Variants in MAP3K19 observed in about 807,000 individuals in gnomAD.
The protein encoded by MAP3K19 is SPS1/STE20-related protein kinase YSK4.
In MAP3K19, 91 loss-of-function variants were observed where a neutral mutation model predicts 114.4. The ratio of observed to expected loss-of-function variants is 0.80; its 90% CI spans 0.67 to 0.95. The LOEUF (loss-of-function observed/expected upper bound fraction) is 0.95. Ranked by LOEUF, MAP3K19 falls within the 40% of genes least tolerant of loss-of-function variation. MAP3K19 has a pLI of 0.00. For missense variants in MAP3K19, 1,471 were observed against 1,573.2 expected (o/e 0.94, Z 1.10); for synonymous variants, 518 against 530.5 (o/e 0.98, Z 0.32).
At chr2:135,026,791 G>A (rs1688267328) in intron 3 of MAP3K19, among the ~76,000 whole-genome samples, 1 of 152,178 alleles carries the variant, frequency 6.6e-6, no homozygotes, top group South Asian at 2.1e-4. Context: ...CTTGGGGGTA[G>A]AGAGCTGGAT....
intron 5 of MAP3K19, among the ~76,000 whole-genome samples, chr2:135,015,808 C>A (rs934541443): frequency 2.6e-5 from 4 of 151,754 alleles, no homozygotes; most frequent in Non-Finnish European, 4.4e-5. Flanking sequence ...CAGGAGAATC[C>A]CTTGAACCAG....
intron 1 of MAP3K19, among the ~76,000 whole-genome samples, chr2:135,044,026 T>A (rs905026095): frequency 1.3e-5 from 2 of 152,244 alleles, no homozygotes; most frequent in Non-Finnish European, 2.9e-5. Flanking sequence ...AGTGAATGAA[T>A]TCCTCAAGTC....
At chr2:134,971,542 C>G (rs1056431176) in intron 12 of MAP3K19, among the ~76,000 whole-genome samples, 5 of 152,156 alleles carry the variant, frequency 3.3e-5, no homozygotes, top group African/African-American at 1.2e-4. Flanking sequence ...GGCAGTGAAG[C>G]CATCCAGTCC....
chr2:135,017,927 A>C (rs1266006791), intron 5 of MAP3K19, among the ~76,000 whole-genome samples: 1 of 152,206 alleles, frequency 6.6e-6, no homozygotes, highest in South Asian at 2.1e-4. Context: ...AAACGGTACC[A>C]ATTTGACAGT....
At chr2:135,012,309 C>A (rs932123921) in intron 5 of MAP3K19, among the ~76,000 whole-genome samples, 2 of 151,990 alleles carry the variant, frequency 1.3e-5, no homozygotes, top group South Asian at 2.1e-4. Context: ...TCAAATGACC[C>A]CCTAGGGTGG....
At chr2:135,039,955 A>C (rs1428653788) in intron 2 of MAP3K19, among the ~76,000 whole-genome samples, 2 of 152,104 alleles carry the variant, frequency 1.3e-5, no homozygotes, top group African/African-American at 4.8e-5. Context: ...CTGCCCTTTT[A>C]AGCCTTATTA....
intron 12 of MAP3K19, among the ~76,000 whole-genome samples, chr2:134,971,676 C>T (rs1027935032): frequency 1.3e-5 from 2 of 152,012 alleles, no homozygotes; most frequent in African/African-American, 2.4e-5. Flanking sequence ...TTATCCATTT[C>T]CTCTAGGTTT....
At chr2:135,034,442 G>A (rs1277748558) in intron 2 of MAP3K19, among the ~76,000 whole-genome samples, 1 of 126,526 alleles carries the variant, frequency 7.9e-6, no homozygotes, top group African/African-American at 3.7e-5. Context: ...GGCACTTTGG[G>A]AGGCCAAGGC....
rs761627568 is a variant in MAP3K19, at chr2:135,005,446, G to C, written c.224C>G (p.Pro75Arg). Residue 75 changes from proline (P) to arginine (R), a missense_variant, in exon 6 of 13, where the codon CCC becomes CGC. Transcript: ENST00000392915. ...DPSGGRQDWQ[P>R]RTEGVEITVT... ...GTAAAGCCCAGTACCTTCTGTCCTG[G>C]GTTGCCAGTCCTGTCTACCACCACT... The C allele has an allele frequency of 6.2e-7, 1 of 1,612,504 alleles. No homozygotes were observed. The highest frequency in any genetic ancestry group is 8.5e-7 in the Non-Finnish European group (1 of 1,178,642).
chr2:134,964,582 G>T lies in MAP3K19; in HGVS notation c.*268C>A. 3.8e-6 allele frequency: 1 copy of T among 263,438 alleles called. No individual in the cohort carries two copies. 16.3% of individuals were successfully genotyped at this position (263,438 alleles called of 1,614,324 possible). A position where few individuals can be genotyped will look rare whatever the true frequency, so the allele number is the denominator to read the frequency against. Reference sequence around the variant, plus strand: ...AATGTCATATAAAACAATAGAGAATGTAGTTCCTGGACAATCAAAACTGTA... The same window carrying T: ...AATGTCATATAAAACAATAGAGAATTTAGTTCCTGGACAATCAAAACTGTA... On this transcript the variant is annotated 3_prime_UTR_variant, in exon 13 of 13. Coordinates refer to ENST00000392915, the MANE Select transcript of MAP3K19 (RefSeq NM_025052.5).
intron 2 of MAP3K19, among the ~76,000 whole-genome samples, chr2:135,032,095 A>G (rs1188544988): frequency 6.6e-6 from 1 of 152,118 alleles, no homozygotes; most frequent in Non-Finnish European, 1.5e-5. Context: ...TGGTGCATCC[A>G]CTTTGAAAAA....
At chr2:134,982,113 CTTTTTTT>C (rs35219224) in intron 11 of MAP3K19, among the ~76,000 whole-genome samples, 2 of 76,352 alleles carry the variant, frequency 2.6e-5, no homozygotes, top group Non-Finnish European at 5.0e-5. Context: ...CTTTTTCTTT[CTTTTTTT>C]TTTTTTTTTT....
intron 11 of MAP3K19, among the ~76,000 whole-genome samples, chr2:134,981,812 A>G (rs2105200284): frequency 6.6e-6 from 1 of 151,906 alleles, no homozygotes; most frequent in Non-Finnish European, 1.5e-5. Context: ...TAAATGTGTA[A>G]TCTTTTGACT....
intron 6 of MAP3K19, among the ~76,000 whole-genome samples, chr2:135,000,276 T>C (rs188774702): frequency 1.3e-5 from 2 of 152,212 alleles, no homozygotes; most frequent in Non-Finnish European, 2.9e-5. Context: ...AACTATGTTG[T>C]CCTCAGGATG....
At chr2:134,978,755 C>T (rs190807320) in intron 12 of MAP3K19, among the ~76,000 whole-genome samples, 3 of 152,190 alleles carry the variant, frequency 2.0e-5, no homozygotes, top group Admixed American at 6.5e-5. Context: ...CTTCTACCAC[C>T]ATCAGCATCC....
intron 3 of MAP3K19, among the ~76,000 whole-genome samples, chr2:135,026,375 G>T (rs1181303398): frequency 6.6e-6 from 1 of 152,034 alleles, no homozygotes; most frequent in South Asian, 2.1e-4. Context: ...TTTATCAATT[G>T]GCCAAACTAT....
Position 134,981,192 on chromosome 2 carries a change from T to C in MAP3K19, c.3549A>G (p.Val1183=). The change falls in exon 12 of 13, where the codon GTA becomes GTG. Residue 1183 remains valine (V), a synonymous_variant. Coordinates refer to ENST00000392915, the MANE Select transcript of MAP3K19 (RefSeq NM_025052.5). ...CATTATTTCCTTTGATATCGCGATG[T>C]ACCACACAGTTCTCATGGAGATAAG... is the stretch of plus-strand genomic sequence containing the variant. ...GVAYLHENCV[V]HRDIKGNNVM... 6.2e-7 allele frequency: 1 copy of C among 1,614,138 alleles called. No individual in the cohort carries two copies. The highest frequency in any genetic ancestry group is 8.5e-7 in the Non-Finnish European group (1 of 1,180,024).
chr2:134,971,000 T>A (rs2105149403), intron 12 of MAP3K19, among the ~76,000 whole-genome samples: 1 of 152,302 alleles, frequency 6.6e-6, no homozygotes. Flanking sequence ...TTGTTCCAGT[T>A]CTAAGAAGAA....
chr2:134,999,417 A>G lies in MAP3K19; in HGVS notation c.315-420T>C, dbSNP rs1188561221. 1.1e-4 allele frequency among the ~76,000 whole-genome samples: 16 copies of G among 152,350 alleles called. No individual in the cohort carries two copies. The highest frequency in any genetic ancestry group is 3.8e-4 in the African/African-American group (16 of 41,580). ...TTTTGTAAAATATAAATGAATTGCC[A>G]TAAAAATGGAAGAAAAATAAAAGAC... On this transcript the variant is annotated intron_variant, in intron 7 of 12. Coordinates refer to ENST00000392915, the MANE Select transcript of MAP3K19 (RefSeq NM_025052.5). The surrounding 1 kb of genome is among the most constrained non-coding windows in gnomAD (Gnocchi z 4.1).
Sources: gnomAD v4.1 joint callset for allele counts (sites outside exome capture counted in the v4.1 genomes callset) on GRCh38, gnomAD v4.1.1 for gene constraint, Gnocchi (gnomAD v3.1) non-coding constraint, MANE v1.5 for transcripts, NCBI Gene and HGNC (gene_info 2026-07-23, HGNC 2026-07-21) for gene names.